The following PAH variants were observed in gnomAD, a reference collection of about 807,000 sequenced individuals.
PAH encodes the protein phenylalanine hydroxylase.
In PAH, 64 loss-of-function variants were observed where a neutral mutation model predicts 62.0. The ratio of observed to expected loss-of-function variants is 1.03; its 90% CI spans 0.84 to 1.27. PAH has a LOEUF of 1.27. PAH is among the 50% of genes most tolerant of loss of function. The pLI, the probability that PAH is intolerant of heterozygous loss-of-function variation, is 0.00. For synonymous variants in PAH, 195 were observed against 196.2 expected, an observed-to-expected ratio of 0.99 and a Z score of 0.05; for missense variants, 579 against 542.8, an observed-to-expected ratio of 1.07 and a Z score of -0.66.
At position 102,931,278 on chromosome 12, in the gene PAH, C is replaced by G. The variant is rs574833287; in HGVS notation, c.-95-14053G>C. ...CAGGCTTCCAAAATTTGTAGGTACC[C>G]CCACACAGGAACTATGTGAGTCAGA... On this transcript the variant is annotated intron_variant, in intron 1 of 3. Coordinates refer to the PAH transcript ENST00000546844. 6.6e-5 allele frequency among the ~76,000 whole-genome samples: 10 copies of G among 152,204 alleles called. No homozygotes were observed. In the East Asian group the frequency reaches 1.9e-3, roughly 29 times the overall value.
intron 10 of PAH, 114 bp downstream of exon 10, chr12:102,844,222 C>A: frequency 1.3e-6 from 1 of 759,396 alleles, no homozygotes; most frequent in East Asian, 2.6e-5. Context: ...AATGAGTTCC[C>A]AGGTTGCATA....
upstream of PAH, among the ~76,000 whole-genome samples, chr12:102,917,845 G>T (rs1878448556): frequency 6.6e-6 from 1 of 152,218 alleles, no homozygotes; most frequent in South Asian, 2.1e-4. Context: ...GAGCCACCTT[G>T]CTGGAAGGTT....
Position 102,840,381 on chromosome 12 carries a change from T to G in PAH, c.1315+19A>C. The stretch of plus-strand genomic sequence containing the variant: ...ATTACTGAGAAACCGAGTGGCCTCG[T>G]AAGGTGTAAATTACTTACTGTTAAT... On this transcript the variant is annotated intron_variant, in intron 12 of 12. Coordinates refer to ENST00000553106, the MANE Select transcript of PAH (RefSeq NM_000277.3). 6.9e-7 allele frequency: 1 copy of G among 1,458,408 alleles called. No homozygotes were observed. The highest frequency in any genetic ancestry group is 1.4e-5 in the African/African-American group (1 of 71,578). The allele number at this position is 1,458,408 out of a possible 1,614,324, so 90.3% of individuals were successfully genotyped here.
Position 102,837,534 on chromosome 12 carries a change from A to T in PAH, c.*1641T>A, listed in dbSNP as rs1056499923. The T allele has an allele frequency of 3.9e-5, 6 of 152,232 alleles. No individual in the cohort carries two copies. Among genetic ancestry groups the T allele is most frequent in the African/African-American group, 1.4e-4 (6 of 41,460 alleles). The allele number at this position is 152,232 out of a possible 1,614,324, so 9.4% of individuals were successfully genotyped here. ...GGCATAAACATAGATACAGGCATAA[A>T]ATTCCAACTTCAAAACAATGAAACT... On this transcript the variant is annotated 3_prime_UTR_variant, in exon 13 of 13. Coordinates refer to ENST00000553106, the MANE Select transcript of PAH (RefSeq NM_000277.3).
chr12:102,844,135 T>C (rs1874722309), intron 10 of PAH, among the ~76,000 whole-genome samples: 1 of 152,196 alleles, frequency 6.6e-6, no homozygotes, highest in South Asian at 2.1e-4. Context: ...GAGATATGTG[T>C]ACTTGCAATT....
intron 2 of PAH, among the ~76,000 whole-genome samples, chr12:102,900,277 C>A (rs899630577): frequency 1.3e-5 from 2 of 151,996 alleles, no homozygotes; most frequent in African/African-American, 4.8e-5. Context: ...TCTTGATCTC[C>A]TGACTTCGTG....
chr12:102,882,657 T>TGC (rs1876864646), intron 3 of PAH, among the ~76,000 whole-genome samples: 1 of 63,096 alleles, frequency 1.6e-5, no homozygotes, highest in Non-Finnish European at 2.7e-5. Context: ...TATATATATA[T>TGC]ATATATATAT....
chr12:102,868,138 A>G lies in PAH; in HGVS notation c.442-1475T>C, dbSNP rs1167641217. 7.7e-3 allele frequency among the ~76,000 whole-genome samples: 44 copies of G among 5,734 alleles called. 3 individuals carry two copies. The highest frequency in any genetic ancestry group is 0.038 in the African/African-American group (17 of 452). The allele number at this position is 5,734 out of a possible 152,430, so 3.8% of individuals were successfully genotyped here. A position where few individuals can be genotyped will look rare whatever the true frequency, so the allele number is the denominator to read the frequency against. On this transcript the variant is annotated intron_variant, in intron 4 of 12. Transcript: ENST00000553106. ...TATACATATATGTGTATATATATATATATATATATATATATACACATATAT... is the reference window on the plus strand; with the variant it reads ...TATACATATATGTGTATATATATATGTATATATATATATATACACATATAT...
intron 3 of PAH, chr12:102,886,245 G>C (rs2136690909): frequency 6.6e-6 from 1 of 152,082 alleles, no homozygotes; most frequent in East Asian, 1.9e-4. Flanking sequence ...TGTTCTCTCT[G>C]TTCACATGGA....
chr12:102,945,866 G>T (rs745360801), intron 1 of PAH: 5 of 152,144 alleles, frequency 3.3e-5, no homozygotes, highest in Admixed American at 3.3e-4. Flanking sequence ...CAAGCAGAAG[G>T]AGTCTCTCCT....
rs1453108508 is a variant in PAH at position 102,905,667 on chromosome 12, C to T, written c.168+7124G>A. Among the ~76,000 whole-genome samples, 4 of 151,924 alleles carry T rather than the reference C, an allele frequency of 2.6e-5. No individual in the cohort carries two copies. In the East Asian group the frequency reaches 7.7e-4, roughly 29 times the overall value. Reference sequence around the variant, plus strand: ...CTCCTCTCTAAGATCAGTATGGCATCGCTGACTCCCCACAGCACTGTGATG... The same window carrying T: ...CTCCTCTCTAAGATCAGTATGGCATTGCTGACTCCCCACAGCACTGTGATG... On this transcript the variant is annotated intron_variant, in intron 2 of 12. Transcript: ENST00000553106.
chr12:102,877,132 C>A (rs181778126), intron 4 of PAH: 7 of 385,416 alleles, frequency 1.8e-5, no homozygotes, highest in African/African-American at 1.2e-4. Context: ...GTTTACCAAG[C>A]ACTTGACTTA....
intron 1 of PAH, among the ~76,000 whole-genome samples, chr12:102,946,281 C>T (rs752626697): frequency 6.6e-6 from 1 of 152,216 alleles, no homozygotes; most frequent in Non-Finnish European, 1.5e-5. Context: ...TTCACTAGGT[C>T]ATGTGCCCCG....
At chr12:102,850,484 T>A (rs1375403810) in intron 8 of PAH, among the ~76,000 whole-genome samples, 1 of 152,178 alleles carries the variant, frequency 6.6e-6, no homozygotes. Flanking sequence ...TCACACACAA[T>A]CCCATTATTC....
chr12:102,904,527 A>C (rs1877893260), intron 2 of PAH, among the ~76,000 whole-genome samples: 1 of 152,168 alleles, frequency 6.6e-6, no homozygotes, highest in African/African-American at 2.4e-5. Flanking sequence ...GGCTCTCTAA[A>C]ACCTAGATGT....
chr12:102,853,875 A>T (rs12312872), intron 6 of PAH, among the ~76,000 whole-genome samples: 34,655 of 152,090 alleles, frequency 0.23, 4,792 homozygotes, highest in Admixed American at 0.36. Context: ...CACTTTTATT[A>T]TGCCCACTTT....
chr12:102,894,309 C>T (rs1462605417), intron 3 of PAH, among the ~76,000 whole-genome samples: 1 of 151,290 alleles, frequency 6.6e-6, no homozygotes, highest in African/African-American at 2.4e-5. Context: ...TACCAAATTC[C>T]CATGACACAC....
At chr12:102,936,567 T>C (rs1373591573) in intron 1 of PAH, among the ~76,000 whole-genome samples, 1 of 152,220 alleles carries the variant, frequency 6.6e-6, no homozygotes, top group Non-Finnish European at 1.5e-5. Context: ...TACTCCATCA[T>C]TGGATGCATA....
chr12:102,863,376 C>G (rs1875815223), intron 5 of PAH, among the ~76,000 whole-genome samples: 2 of 152,144 alleles, frequency 1.3e-5, no homozygotes, highest in Non-Finnish European at 2.9e-5. Context: ...GACTCAACAT[C>G]TGTTCCCCAT....
Sources: allele counts gnomAD v4.1 joint callset (sites outside exome capture counted in the v4.1 genomes callset), GRCh38; gene constraint gnomAD v4.1.1; transcripts MANE v1.5; gene names NCBI Gene and HGNC (gene_info 2026-07-23, HGNC 2026-07-21).